The following BAZ2B variants were observed in gnomAD, a reference collection of about 807,000 sequenced individuals.
BAZ2B encodes the protein bromodomain adjacent to zinc finger domain 2B, also known as bromodomain adjacent to zinc finger domain protein 2B.
In BAZ2B, 91 loss-of-function variants were observed where a neutral mutation model predicts 246.0. The ratio of observed to expected loss-of-function variants is 0.37; its 90% confidence interval spans 0.31 to 0.44. The LOEUF is 0.44. Ranked by LOEUF, BAZ2B falls within the 20% of genes least tolerant of loss-of-function variation. BAZ2B has a pLI of 1.00. For missense variants in BAZ2B, 2,332 were observed against 2,533.7 expected (o/e 0.92, Z 1.71); for synonymous variants, 855 against 860.0 (o/e 0.99, Z 0.10).
intron 2 of BAZ2B, among the ~76,000 whole-genome samples, chr2:159,479,015 T>C (rs1198969638): frequency 6.6e-6 from 1 of 152,154 alleles, no homozygotes; most frequent in African/African-American, 2.4e-5. Context: ...AATTAACATG[T>C]TATATTCGTC....
chr2:159,685,091 T>C, the BAZ2B span, among the ~76,000 whole-genome samples: 1 of 152,208 alleles, frequency 6.6e-6, no homozygotes, highest in South Asian at 2.1e-4. Flanking sequence ...GACTGCTTAC[T>C]GATTAGTTTT....
At chr2:159,657,705 T>C in the BAZ2B span, among the ~76,000 whole-genome samples, 1 of 152,226 alleles carries the variant, frequency 6.6e-6, no homozygotes, top group Non-Finnish European at 1.5e-5. Flanking sequence ...TAAGTACTTC[T>C]AGGGTTTGGT....
chr2:159,425,477 G>A (rs900022460), intron 13 of BAZ2B, among the ~76,000 whole-genome samples: 13 of 152,104 alleles, frequency 8.5e-5, no homozygotes, highest in African/African-American at 2.9e-4. Context: ...CACAATGCCC[G>A]GCCTGTTTTT....
rs548274174 is a variant in BAZ2B at position 159,387,389 on chromosome 2, C to T, written c.3217-782G>A. Among the ~76,000 whole-genome samples, 12 of 152,218 alleles carry T rather than the reference C, an allele frequency of 7.9e-5. No homozygotes were observed. In the South Asian group the frequency reaches 2.5e-3, roughly 32 times the overall value. On this transcript the variant is annotated intron_variant, in intron 21 of 36. Transcript: ENST00000392783. ...ATAAATAGGTAATCTGAATTAAAAA[C>T]ATTTTGCCTGTTAATGAGAGCCTAA...
intron 27 of BAZ2B, among the ~76,000 whole-genome samples, chr2:159,353,641 G>C (rs988822800): frequency 6.6e-6 from 1 of 152,158 alleles, no homozygotes; most frequent in Non-Finnish European, 1.5e-5. Context: ...TGTGAGGCTT[G>C]GTGAAAAAAG....
At chr2:159,686,266 G>GA in the BAZ2B span, among the ~76,000 whole-genome samples, 1 of 152,126 alleles carries the variant, frequency 6.6e-6, no homozygotes, top group South Asian at 2.1e-4. Flanking sequence ...TTTAAAAAGA[G>GA]AGAGAGAGAG....
the BAZ2B span, among the ~76,000 whole-genome samples, chr2:159,709,703 T>G: frequency 6.6e-6 from 1 of 152,138 alleles, no homozygotes; most frequent in East Asian, 1.9e-4. Context: ...AAGAGAAGCT[T>G]TTTAGAAGAT....
chr2:159,377,231 A>T (rs1320582020), intron 25 of BAZ2B, among the ~76,000 whole-genome samples: 3 of 152,188 alleles, frequency 2.0e-5, no homozygotes, highest in Admixed American at 2.0e-4. Flanking sequence ...TACCCTACTT[A>T]AAACTTAACT....
chr2:159,557,225 T>TC (rs1457342574), intron 1 of BAZ2B, among the ~76,000 whole-genome samples: 4 of 150,970 alleles, frequency 2.6e-5, no homozygotes, highest in Non-Finnish European at 4.4e-5. Context: ...AATTAATTTT[T>TC]TTTTTTTTTT....
rs2061218056 is a variant in BAZ2B, at chr2:159,374,580, T to C, written c.4068+111A>G. 6 of 824,212 alleles carry C rather than the reference T, an allele frequency of 7.3e-6. No individual in the cohort carries two copies. In the East Asian group the frequency reaches 1.3e-4, roughly 18 times the overall value. The allele number at this position is 824,212 out of a possible 1,614,324, so 51.1% of individuals were successfully genotyped here. A position where few individuals can be genotyped will look rare whatever the true frequency, so the allele number is the denominator to read the frequency against. ...TGCTATTCAGAATCTTCATTTTTAA[T>C]TACTCACCAAAAGCCTATTTTTGCT... On this transcript the variant is annotated intron_variant, in intron 26 of 36. Transcript: ENST00000392783.
intron 3 of BAZ2B, among the ~76,000 whole-genome samples, chr2:159,473,670 T>A (rs1378957975): frequency 6.6e-6 from 1 of 152,240 alleles, no homozygotes; most frequent in African/African-American, 2.4e-5. Context: ...TGATTTTAGA[T>A]CTTTCCCGCT....
chr2:159,468,001 G>A (rs571582632), intron 3 of BAZ2B, among the ~76,000 whole-genome samples: 16 of 152,282 alleles, frequency 1.1e-4, no homozygotes, highest in African/African-American at 3.1e-4. Flanking sequence ...GGAAATCTTG[G>A]TAGTGAGCAA....
intron 25 of BAZ2B, among the ~76,000 whole-genome samples, chr2:159,382,026 C>T (rs575618493): frequency 6.6e-6 from 1 of 152,132 alleles, no homozygotes; most frequent in African/African-American, 2.4e-5. Flanking sequence ...TTGTCAATAC[C>T]CCTCTCAAAG....
rs189528076 is a variant in BAZ2B, at chr2:159,486,515, A to C, written c.-2-7794T>G. Among the ~76,000 whole-genome samples, 11 of 152,044 alleles carry C rather than the reference A, an allele frequency of 7.2e-5. No individual in the cohort carries two copies. In the East Asian group the frequency reaches 2.1e-3, roughly 29 times the overall value. The stretch of plus-strand genomic sequence containing the variant: ...GATGCAGAACCATATAACAGGAACA[A>C]TATACCTCTTAAAGAACAAAGTGGG... On this transcript the variant is annotated intron_variant, in intron 2 of 36. Transcript: ENST00000392783.
chr2:159,525,871 T>C (rs17423809), intron 2 of BAZ2B, among the ~76,000 whole-genome samples: 41,256 of 152,046 alleles, frequency 0.27, 7,069 homozygotes, highest in Non-Finnish European at 0.38. Context: ...CCACACTAAG[T>C]GTTTGATTTT....
At chr2:159,604,143 G>A (rs1007483976) in intron 1 of BAZ2B, among the ~76,000 whole-genome samples, 1 of 152,204 alleles carries the variant, frequency 6.6e-6, no homozygotes, top group Non-Finnish European at 1.5e-5. Flanking sequence ...TAACTGGCAA[G>A]TTGTACAGCT....
chr2:159,627,100 G>T, the BAZ2B span, among the ~76,000 whole-genome samples: 1 of 151,790 alleles, frequency 6.6e-6, no homozygotes, highest in Admixed American at 6.6e-5. Flanking sequence ...CACATACACC[G>T]TCCCAAGTCT....
At chr2:159,421,666 T>C (rs987761999) in intron 13 of BAZ2B, among the ~76,000 whole-genome samples, 13 of 152,158 alleles carry the variant, frequency 8.5e-5, no homozygotes, top group Non-Finnish European at 1.3e-4. Flanking sequence ...TTGCTGTTAA[T>C]ATTAATAAAT....
chr2:159,330,701 A>T (rs57060677), intron 34 of BAZ2B, among the ~76,000 whole-genome samples: 2 of 72,388 alleles, frequency 2.8e-5, no homozygotes, highest in Non-Finnish European at 2.7e-5. Context: ...CTACAAAATT[A>T]AAAAAAAAAA....
Sources: gnomAD v4.1 joint callset for allele counts (sites outside exome capture counted in the v4.1 genomes callset) on GRCh38, gnomAD v4.1.1 for gene constraint, MANE v1.5 for transcripts, NCBI Gene and HGNC (gene_info 2026-07-23, HGNC 2026-07-21) for gene names.